SMARCA2: variants seen among roughly 807,000 people sequenced by gnomAD.
SMARCA2 encodes SWI/SNF-related matrix-associated actin-dependent regulator of chromatin subfamily A member 2.
In SMARCA2, 61 loss-of-function variants were observed where a neutral mutation model predicts 199.8. The observed-to-expected ratio is 0.31, with a 90% CI of 0.25 to 0.38. The LOEUF is 0.38. SMARCA2 is among the 10% of genes least tolerant of loss of function. The pLI is 1.00. For missense variants in SMARCA2, 1,344 were observed against 2,012.2 expected (o/e 0.67, Z 6.35); for synonymous variants, 935 against 732.0 (o/e 1.28, Z -4.48).
At chr9:2,020,984 A>G (rs1818577083) in intron 1 of SMARCA2, among the ~76,000 whole-genome samples, 1 of 152,188 alleles carries the variant, frequency 6.6e-6, no homozygotes, top group Non-Finnish European at 1.5e-5. Context: ...GAATTAGGAT[A>G]TTTTATTAGA....
intron 1 of SMARCA2, among the ~76,000 whole-genome samples, chr9:2,018,844 G>C (rs935373256): frequency 6.6e-6 from 1 of 152,142 alleles, no homozygotes; most frequent in African/African-American, 2.4e-5. Context: ...CTGTTATCAG[G>C]GGGGCCACAA....
chr9:2,115,598 A>G lies in SMARCA2; in HGVS notation c.3457-224A>G, dbSNP rs1005333014. On this transcript the variant is annotated intron_variant, in intron 24 of 33. Coordinates refer to ENST00000349721, the MANE Select transcript of SMARCA2 (RefSeq NM_003070.5). The surrounding 1 kb of genome is among the most constrained non-coding windows in gnomAD (Gnocchi z 6.0). ...TGATACCTGGATTTCAAAACCTGAG[A>G]TGTATTTCAGTTGGCTTGGTTAATT... 1.3e-5 allele frequency among the ~76,000 whole-genome samples: 2 copies of G among 152,190 alleles called. No homozygotes were observed. Among genetic ancestry groups the G allele is most frequent in the Non-Finnish European group, 2.9e-5 (2 of 68,024 alleles).
At chr9:2,183,756 C>T (rs963598028) in intron 31 of SMARCA2, among the ~76,000 whole-genome samples, 1 of 152,170 alleles carries the variant, frequency 6.6e-6, no homozygotes, top group Non-Finnish European at 1.5e-5. Context: ...ACTCAAGACA[C>T]TCTCCAAGGA....
chr9:2,096,906 G>GC, intron 20 of SMARCA2, 142 bp downstream of exon 20: 1 of 641,638 alleles, frequency 1.6e-6, no homozygotes, highest in Non-Finnish European at 2.8e-6. Context: ...TATTATAGCT[G>GC]CCAAAGATAA....
intron 22 of SMARCA2, among the ~76,000 whole-genome samples, chr9:2,102,850 G>A (rs1389887303): frequency 6.6e-6 from 1 of 151,738 alleles, no homozygotes; most frequent in Non-Finnish European, 1.5e-5. Flanking sequence ...AAATGAAAAC[G>A]TTCAGTATAG....
At chr9:2,109,686 T>A (rs1054133163) in intron 23 of SMARCA2, among the ~76,000 whole-genome samples, 1 of 152,182 alleles carries the variant, frequency 6.6e-6, no homozygotes, top group Non-Finnish European at 1.5e-5. Flanking sequence ...GATAAAATTA[T>A]TCCATTTGCA....
At chr9:2,066,772 A>C (rs1003876487) in intron 9 of SMARCA2, among the ~76,000 whole-genome samples, 1 of 152,238 alleles carries the variant, frequency 6.6e-6, no homozygotes, top group African/African-American at 2.4e-5. Context: ...AGATAACTAC[A>C]TATGAAAATT....
intron 25 of SMARCA2, among the ~76,000 whole-genome samples, chr9:2,117,419 TTA>T (rs1823261226): frequency 6.6e-6 from 1 of 152,218 alleles, no homozygotes; most frequent in South Asian, 2.1e-4. Context: ...CTCAAATTAT[TTA>T]TAGTTTCTGA....
chr9:2,039,352 ATTCAAATTT>A lies in SMARCA2; in HGVS notation c.356-113_356-105del. Reference sequence around the variant, plus strand: ...CCATATAATTAATAAATGATATGTCATTCAAATTTCTGTCAGACAGTGTTGCTGTGGACA... The same window carrying A: ...CCATATAATTAATAAATGATATGTCACTGTCAGACAGTGTTGCTGTGGACA... On this transcript the variant is annotated intron_variant, in intron 3 of 33. Transcript: ENST00000349721. The surrounding 1 kb of genome is among the most constrained non-coding windows in gnomAD (Gnocchi z 4.8). 3.2e-6 allele frequency: 3 copies of A among 925,476 alleles called. No homozygotes were observed. Among genetic ancestry groups the A allele is most frequent in the Non-Finnish European group, 3.2e-6 (2 of 615,826 alleles). 57.3% of individuals were successfully genotyped at this position (925,476 alleles called of 1,614,324 possible).
intron 27 of SMARCA2, chr9:2,159,806 C>G (rs771533031): frequency 3.7e-6 from 6 of 1,606,592 alleles, no homozygotes; most frequent in Non-Finnish European, 5.1e-6. Context: ...CTTTTTTTTC[C>G]TGATCAGCTG....
intron 29 of SMARCA2, among the ~76,000 whole-genome samples, chr9:2,177,467 C>G (rs972768923): frequency 6.6e-6 from 1 of 151,974 alleles, no homozygotes; most frequent in Non-Finnish European, 1.5e-5. Context: ...AAAAGAAAAA[C>G]CATAAAAGAC....
At chr9:2,128,908 A>G (rs975900619) in intron 27 of SMARCA2, among the ~76,000 whole-genome samples, 1 of 152,300 alleles carries the variant, frequency 6.6e-6, no homozygotes, top group East Asian at 1.9e-4. Flanking sequence ...CAGACTTAGC[A>G]CAGACTCCAT....
chr9:2,116,119 C>G, intron 25 of SMARCA2, 70 bp downstream of exon 25: 1 of 1,205,310 alleles, frequency 8.3e-7, no homozygotes, highest in Non-Finnish European at 1.2e-6. Flanking sequence ...TCAGAATAAT[C>G]CCTTTGTTTA....
At chr9:2,057,451 A>G (rs1006048912) in intron 7 of SMARCA2, among the ~76,000 whole-genome samples, 6 of 152,252 alleles carry the variant, frequency 3.9e-5, no homozygotes, top group Non-Finnish European at 8.8e-5. Context: ...CATTCAGTCC[A>G]TAACAGGTGT....
At position 2,070,402 on chromosome 9, in the gene SMARCA2, CATT is replaced by C; in HGVS notation, c.1693-15_1693-13del. ...CATCTTGGTTACTTATAACATTCGA[CATT>C]GTTGTTTTGCAGAAGGCTGAGGAGA... On this transcript the variant is annotated splice_polypyrimidine_tract_variant and intron_variant, in intron 9 of 33. Coordinates refer to ENST00000349721, the MANE Select transcript of SMARCA2 (RefSeq NM_003070.5). 1 of 1,612,184 alleles carries C rather than the reference CATT, an allele frequency of 6.2e-7. No homozygotes were observed. The highest frequency in any genetic ancestry group is 8.5e-7 in the Non-Finnish European group (1 of 1,178,398).
intron 27 of SMARCA2, among the ~76,000 whole-genome samples, chr9:2,133,489 C>T (rs1824055967): frequency 6.6e-6 from 1 of 151,908 alleles, no homozygotes; most frequent in Non-Finnish European, 1.5e-5. Context: ...CACTCAATTG[C>T]CTAGGCTGGT....
intron 23 of SMARCA2, among the ~76,000 whole-genome samples, chr9:2,109,711 T>C (rs10114544): frequency 0.3 from 45,542 of 151,982 alleles, 8,730 homozygotes; most frequent in African/African-American, 0.55. Context: ...AAAAATTACA[T>C]TCATAATTTA....
At chr9:2,033,925 C>T (rs1283425444) in intron 3 of SMARCA2, among the ~76,000 whole-genome samples, 2 of 152,052 alleles carry the variant, frequency 1.3e-5, no homozygotes, top group Non-Finnish European at 2.9e-5. Flanking sequence ...GCAGTATGGC[C>T]TCATCTTAAT....
Position 2,191,366 on chromosome 9 carries a change from T to C in SMARCA2, c.4695T>C (p.Pro1565=). The C allele has an allele frequency of 6.2e-7, 1 of 1,614,184 alleles. No individual in the cohort carries two copies. The highest frequency in any genetic ancestry group is 8.5e-7 in the Non-Finnish European group (1 of 1,180,034). The part of the protein sequence containing the change: ...KKRPNRGKAK[P]VVSDFDSDEE... ...GGCCAAATCGAGGAAAAGCCAAACC[T>C]GTAGTGAGCGATTTTGACAGCGATG... The change falls in exon 33 of 34, where the codon CCT becomes CCC. Residue 1565 remains proline, a synonymous_variant. Coordinates refer to ENST00000349721, the MANE Select transcript of SMARCA2 (RefSeq NM_003070.5).
Sources: gnomAD v4.1 joint callset for allele counts (sites outside exome capture counted in the v4.1 genomes callset) on GRCh38, gnomAD v4.1.1 for gene constraint, Gnocchi (gnomAD v3.1) non-coding constraint, MANE v1.5 for transcripts, NCBI Gene and HGNC (gene_info 2026-07-23, HGNC 2026-07-21) for gene names.